The following MAP6 variants were observed in gnomAD, a reference collection of about 807,000 sequenced individuals.
The protein encoded by MAP6 is microtubule-associated protein 6.
Under a neutral mutation model 42.4 loss-of-function variants are expected in MAP6, and 26 were observed. The ratio of observed to expected loss-of-function variants is 0.61; its 90% CI spans 0.45 to 0.85. The LOEUF is 0.85. Among genes scored for constraint, MAP6 ranks in the 40% least tolerant of loss-of-function variants. The pLI is 0.00. For missense variants in MAP6, 966 were observed against 1,099.0 expected (o/e 0.88, Z 1.71); for synonymous variants, 418 against 443.8 (o/e 0.94, Z 0.73).
chr11:75,665,793 T>C (rs1943936507), intron 1 of MAP6, among the ~76,000 whole-genome samples: 1 of 152,196 alleles, frequency 6.6e-6, no homozygotes, highest in Admixed American at 6.5e-5. Flanking sequence ...GAAAAGGATT[T>C]ATGTCCTTGT....
At chr11:75,658,801 A>C (rs1479440101) in intron 1 of MAP6, among the ~76,000 whole-genome samples, 1 of 152,154 alleles carries the variant, frequency 6.6e-6, no homozygotes, top group Non-Finnish European at 1.5e-5. Flanking sequence ...CTTTTACTCA[A>C]ATTGATCCAT....
At chr11:75,601,964 C>T (rs1158473424) in intron 3 of MAP6, among the ~76,000 whole-genome samples, 3 of 151,940 alleles carry the variant, frequency 2.0e-5, no homozygotes, top group South Asian at 4.2e-4. Flanking sequence ...CCTCCTCCTT[C>T]GTGCCCCACT....
At chr11:75,595,990 G>A (rs1942572729) in intron 3 of MAP6, among the ~76,000 whole-genome samples, 1 of 152,156 alleles carries the variant, frequency 6.6e-6, no homozygotes, top group South Asian at 2.1e-4. Context: ...CTTTCTCAAT[G>A]AGGAGTTTTA....
At chr11:75,589,882 A>C (rs1487720433) in intron 3 of MAP6, among the ~76,000 whole-genome samples, 1 of 152,238 alleles carries the variant, frequency 6.6e-6, no homozygotes, top group Non-Finnish European at 1.5e-5. Context: ...CCTGATGCAG[A>C]AGCTTTTTAC....
intron 1 of MAP6, among the ~76,000 whole-genome samples, chr11:75,647,482 A>C (rs1182149073): frequency 1.3e-5 from 2 of 152,066 alleles, no homozygotes; most frequent in Non-Finnish European, 2.9e-5. Flanking sequence ...AGAAAATATT[A>C]GAATTAATAA....
At chr11:75,650,931 C>A (rs1004165086) in intron 1 of MAP6, among the ~76,000 whole-genome samples, 10 of 152,104 alleles carry the variant, frequency 6.6e-5, no homozygotes, top group Non-Finnish European at 1.3e-4. Context: ...CACTCCTAGC[C>A]CTAAAGACCT....
At position 75,605,825 on chromosome 11, in the gene MAP6, T is replaced by C; in HGVS notation, c.1299A>G (p.Lys433=). The change falls in exon 3 of 4, where the codon AAA becomes AAG. Residue 433 remains lysine (K), a synonymous_variant. Coordinates refer to ENST00000304771, the MANE Select transcript of MAP6 (RefSeq NM_033063.2). ...AAATTTACTCTTTCGCCTCAGCCAG[T>C]TTATTGTTCATCTCTTTGCTTTGCT... ...DKEQSKEMNN[K]LAEAKESLAQ... The C allele has an allele frequency of 6.2e-7, 1 of 1,614,110 alleles. No individual in the cohort carries two copies. Among genetic ancestry groups the C allele is most frequent in the Non-Finnish European group, 8.5e-7 (1 of 1,180,014 alleles).
At position 75,587,092 on chromosome 11, in the gene MAP6, G is replaced by T. The variant is rs774524823; in HGVS notation, c.2409C>A (p.Ala803=). Reference sequence around the variant, plus strand: ...AGCTCTCAATGTATTCCGTATGGGGGGCAGTTGGGATCATGACTCGGGGTA... The same window carrying T: ...AGCTCTCAATGTATTCCGTATGGGGTGCAGTTGGGATCATGACTCGGGGTA... ...SPLPRVMIPT[A]PHTEYIESSP is the part of the protein sequence containing the mutation. The change falls in exon 4 of 4, where the codon GCC becomes GCA. Residue 803 remains alanine, a synonymous_variant. Coordinates refer to ENST00000304771, the MANE Select transcript of MAP6 (RefSeq NM_033063.2). 6.2e-6 allele frequency: 10 copies of T among 1,606,158 alleles called. No individual in the cohort carries two copies. Among genetic ancestry groups the T allele is most frequent in the Non-Finnish European group, 8.5e-6 (10 of 1,174,510 alleles).
At chr11:75,598,771 G>A (rs1205689595) in intron 3 of MAP6, 1 of 152,382 alleles carries the variant, frequency 6.6e-6, no homozygotes, top group Non-Finnish European at 1.5e-5. Context: ...AAGGTGAACA[G>A]AGATCTGGCC....
chr11:75,644,468 A>C (rs1190859811), intron 1 of MAP6, among the ~76,000 whole-genome samples: 1 of 152,194 alleles, frequency 6.6e-6, no homozygotes, highest in Non-Finnish European at 1.5e-5. Context: ...CAAGCAGTTT[A>C]TATAGTAATT....
Position 75,668,215 on chromosome 11 carries a change from T to G in MAP6, c.155A>C (p.Gln52Pro). ...APPQPPPPQQQAQPALAPPSA... is the reference protein window; with the variant it reads ...APPQPPPPQQPAQPALAPPSA... ...GGGGGGCGCGAGCGCCGGCTGCGCCTGCTGCTGCGGCGGCGGTGGCTGCGG... is the reference window on the plus strand; with the variant it reads ...GGGGGGCGCGAGCGCCGGCTGCGCCGGCTGCTGCGGCGGCGGTGGCTGCGG... Residue 52 changes from glutamine (Q) to proline (P), a missense_variant, in exon 1 of 4, where the codon CAG becomes CCG. Transcript: ENST00000304771. 1 of 1,337,818 alleles carries G rather than the reference T, an allele frequency of 7.5e-7. No individual in the cohort carries two copies. Among genetic ancestry groups the G allele is most frequent in the Non-Finnish European group, 9.5e-7 (1 of 1,050,906 alleles). 82.9% of individuals were successfully genotyped at this position (1,337,818 alleles called of 1,614,324 possible). A position where few individuals can be genotyped will look rare whatever the true frequency, so the allele number is the denominator to read the frequency against.
rs558678984 is a variant in MAP6, at chr11:75,608,302, G to A, written c.926C>T (p.Thr309Met). 71 of 1,614,066 alleles carry A rather than the reference G, an allele frequency of 4.4e-5. No individual in the cohort carries two copies. In the South Asian group the frequency reaches 6.7e-4, roughly 15 times the overall value. ...SSYRNEFRAW[T>M]DIKPVKPIKA... ...TATTGGTTTCACAGGCTTGATGTCC[G>A]TCCATGCCCTGAATTCATTCCTGTT... Residue 309 changes from threonine to methionine, a missense_variant, in exon 2 of 4, where the codon ACG becomes ATG. Coordinates refer to ENST00000304771, the MANE Select transcript of MAP6 (RefSeq NM_033063.2).
At chr11:75,649,530 GATTT>G (rs565109126) in intron 1 of MAP6, among the ~76,000 whole-genome samples, 9 of 151,946 alleles carry the variant, frequency 5.9e-5, no homozygotes, top group East Asian at 1.9e-4. Flanking sequence ...AAGAAAATAT[GATTT>G]ATTTATTTAT....
intron 1 of MAP6, among the ~76,000 whole-genome samples, chr11:75,644,823 C>T (rs1274978406): frequency 6.6e-6 from 1 of 152,120 alleles, no homozygotes; most frequent in African/African-American, 2.4e-5. Context: ...GCTCCCCTCT[C>T]CCCCACAAAA....
chr11:75,592,402 G>A (rs1942497263), intron 3 of MAP6, among the ~76,000 whole-genome samples: 1 of 152,176 alleles, frequency 6.6e-6, no homozygotes, highest in Admixed American at 6.5e-5. Context: ...AGATTTAAAA[G>A]TTATTGTTGC....
chr11:75,626,519 C>T (rs1461627700), intron 1 of MAP6, among the ~76,000 whole-genome samples: 1 of 152,160 alleles, frequency 6.6e-6, no homozygotes, highest in African/African-American at 2.4e-5. Flanking sequence ...TAGGGAGAGA[C>T]TGGAGGCTGC....
At chr11:75,607,994 T>C in intron 2 of MAP6, 115 bp downstream of exon 2, 1 of 955,766 alleles carries the variant, frequency 1.0e-6, no homozygotes, top group Non-Finnish European at 1.6e-6. Flanking sequence ...AGCAGGGATT[T>C]TAAAGGTGCC....
At chr11:75,605,770 G>C (rs747403077) in intron 3 of MAP6, 38 bp downstream of exon 3, 1 of 1,601,232 alleles carries the variant, frequency 6.2e-7, no homozygotes, top group South Asian at 1.1e-5. Context: ...GGGAGGGAGA[G>C]AGAGAGAAGA....
intron 1 of MAP6, among the ~76,000 whole-genome samples, chr11:75,662,302 C>A (rs564922063): frequency 6.6e-6 from 1 of 152,034 alleles, no homozygotes; most frequent in Admixed American, 6.5e-5. Context: ...AGATTATTAA[C>A]AATTTAAATA....
Sources: gnomAD v4.1 joint callset for allele counts (sites outside exome capture counted in the v4.1 genomes callset) on GRCh38, gnomAD v4.1.1 for gene constraint, MANE v1.5 for transcripts, NCBI Gene and HGNC (gene_info 2026-07-23, HGNC 2026-07-21) for gene names.